The following CALD1 variants were observed in gnomAD, a reference collection of about 807,000 sequenced individuals.
CALD1 encodes the protein caldesmon 1, also known as caldesmon.
Under a neutral mutation model 99.9 loss-of-function variants are expected in CALD1, and 33 were observed. The ratio of observed to expected loss-of-function variants is 0.33; its 90% CI spans 0.25 to 0.44. The LOEUF (loss-of-function observed/expected upper bound fraction) is 0.44. Ranked by LOEUF, CALD1 falls within the 20% of genes least tolerant of loss-of-function variation. CALD1 has a pLI of 1.00. For synonymous variants in CALD1, 310 were observed against 325.0 expected (o/e 0.95, Z 0.50); for missense variants, 861 against 962.1 (o/e 0.89, Z 1.39).
intron 3 of CALD1, among the ~76,000 whole-genome samples, chr7:134,911,733 T>A (rs1372708827): frequency 6.6e-6 from 1 of 152,258 alleles, no homozygotes; most frequent in African/African-American, 2.4e-5. Context: ...TGTGTTTTAA[T>A]GCCATATGCC....
At chr7:134,779,776 A>G (rs1180540744) in intron 1 of CALD1, 27 bp downstream of exon 1, 1 of 398,312 alleles carries the variant, frequency 2.5e-6, no homozygotes, top group Non-Finnish European at 4.4e-6. Flanking sequence ...TTTCTTTTTT[A>G]TCTTCTAGAG....
At chr7:134,733,760 G>C in the CALD1 span, among the ~76,000 whole-genome samples, 13 of 149,826 alleles carry the variant, frequency 8.7e-5, no homozygotes, top group Middle Eastern at 3.2e-3. Flanking sequence ...AGTGAGCTGA[G>C]ATCGCACCAC....
intron 2 of CALD1, among the ~76,000 whole-genome samples, chr7:134,844,880 A>C (rs1799789368): frequency 6.6e-6 from 1 of 152,186 alleles, no homozygotes. Flanking sequence ...ATATTGGATT[A>C]GGCCCACCCT....
At chr7:134,909,474 G>C (rs1002277399) in intron 3 of CALD1, among the ~76,000 whole-genome samples, 2 of 152,240 alleles carry the variant, frequency 1.3e-5, no homozygotes, top group African/African-American at 4.8e-5. Context: ...CCTGAGGTCA[G>C]GAGTTCGAGA....
chr7:134,752,784 G>A (rs1027812614), intron 1 of CALD1, among the ~76,000 whole-genome samples: 3 of 151,858 alleles, frequency 2.0e-5, no homozygotes, highest in South Asian at 2.1e-4. Context: ...GCAGATCACC[G>A]GAGGTAAGGA....
At chr7:134,814,413 C>G (rs1381805098) in intron 1 of CALD1, among the ~76,000 whole-genome samples, 1 of 152,094 alleles carries the variant, frequency 6.6e-6, no homozygotes, top group Admixed American at 6.6e-5. Flanking sequence ...AGCTGGAAGT[C>G]CTGGGGGTCT....
At chr7:134,882,250 C>T (rs1261871480) in intron 3 of CALD1, among the ~76,000 whole-genome samples, 6 of 152,164 alleles carry the variant, frequency 3.9e-5, no homozygotes, top group Non-Finnish European at 7.3e-5. Context: ...CAATGCCTCT[C>T]CTGGGGTTTC....
chr7:134,819,214 G>T (rs1798675607), intron 1 of CALD1, among the ~76,000 whole-genome samples: 1 of 152,134 alleles, frequency 6.6e-6, no homozygotes, highest in Admixed American at 6.5e-5. Context: ...GAATTAAGAA[G>T]CATTCTCCAC....
chr7:134,830,544 T>TAA (rs1799178422), intron 1 of CALD1, among the ~76,000 whole-genome samples: 1 of 152,152 alleles, frequency 6.6e-6, no homozygotes, highest in Non-Finnish European at 1.5e-5. Context: ...TTATTTTTCC[T>TAA]AATCCTCTCT....
At chr7:134,716,024 T>A in the CALD1 span, among the ~76,000 whole-genome samples, 10 of 152,208 alleles carry the variant, frequency 6.6e-5, no homozygotes, top group Non-Finnish European at 1.2e-4. Context: ...TAGTTACATA[T>A]GTATACATGT....
chr7:134,919,785 C>T (rs1804477990), intron 3 of CALD1, among the ~76,000 whole-genome samples: 1 of 152,152 alleles, frequency 6.6e-6, no homozygotes, highest in Non-Finnish European at 1.5e-5. Context: ...AATAATACAG[C>T]ACTTTTCCAT....
chr7:134,830,577 A>T (rs1444305058), intron 1 of CALD1, among the ~76,000 whole-genome samples: 1 of 151,976 alleles, frequency 6.6e-6, no homozygotes, highest in Non-Finnish European at 1.5e-5. Flanking sequence ...TCAACCCTCC[A>T]ATAGGCCCCA....
chr7:134,926,544 C>T (rs73728007), intron 3 of CALD1, among the ~76,000 whole-genome samples: 4,179 of 152,252 alleles, frequency 0.027, 183 homozygotes, highest in African/African-American at 0.095. Flanking sequence ...AACCAACCTT[C>T]GGAATCATTA....
chr7:134,927,021 T>C (rs1390921829), intron 3 of CALD1, among the ~76,000 whole-genome samples: 12 of 152,168 alleles, frequency 7.9e-5, no homozygotes, highest in Non-Finnish European at 1.3e-4. Flanking sequence ...ATAAAAACAC[T>C]GTAACTCTCC....
At chr7:134,965,208 A>G in intron 13 of CALD1, 98 bp from the exon 14 acceptor site, 4 of 735,452 alleles carry the variant, frequency 5.4e-6, no homozygotes, top group Non-Finnish European at 1.0e-5. Context: ...TAAACAACAA[A>G]CTGATTCAAA....
chr7:134,847,167 C>G (rs951066518), intron 2 of CALD1, among the ~76,000 whole-genome samples: 1 of 152,220 alleles, frequency 6.6e-6, no homozygotes, highest in Non-Finnish European at 1.5e-5. Context: ...TTTATAACCA[C>G]TGTGGGCCAG....
chr7:134,950,469 C>T lies in CALD1; in HGVS notation c.1890C>T (p.Asp630=), dbSNP rs1053748984. 1.2e-6 allele frequency: 2 copies of T among 1,613,934 alleles called. No homozygotes were observed. The highest frequency in any genetic ancestry group is 1.7e-6 in the Non-Finnish European group (2 of 1,179,898). The change falls in exon 9 of 15, where the codon GAC becomes GAT. Residue 630 remains aspartate, a synonymous_variant. Transcript: ENST00000361675. ...TGCCAGAAGATGGCTTGTCAGATGACAAGAAACCATTCAAGTGTTTCACTC... is the reference window on the plus strand; with the variant it reads ...TGCCAGAAGATGGCTTGTCAGATGATAAGAAACCATTCAAGTGTTTCACTC... ...QKMPEDGLSD[D]KKPFKCFTPK...
intron 7 of CALD1, 137 bp downstream of exon 7, chr7:134,941,374 C>T (rs1806425583): frequency 1.5e-6 from 1 of 673,114 alleles, no homozygotes; most frequent in African/African-American, 1.8e-5. Context: ...GGTCATTAGC[C>T]ATTGTCTTAG....
At chr7:134,962,590 T>C (rs967616853) in intron 13 of CALD1, among the ~76,000 whole-genome samples, 1 of 152,178 alleles carries the variant, frequency 6.6e-6, no homozygotes, top group Non-Finnish European at 1.5e-5. Context: ...GAAAGTTCTA[T>C]GAAATCAATG....
Sources: gnomAD v4.1 joint callset for allele counts (sites outside exome capture counted in the v4.1 genomes callset) on GRCh38, gnomAD v4.1.1 for gene constraint, MANE v1.5 for transcripts, NCBI Gene and HGNC (gene_info 2026-07-23, HGNC 2026-07-21) for gene names.